The following SYN3 variants were observed in gnomAD, a reference collection of about 807,000 sequenced individuals.
SYN3 encodes the protein synapsin III, also known as synapsin-3.
A neutral mutation model predicts 65.8 loss-of-function variants in SYN3; 35 were observed. The observed-to-expected ratio is 0.53, with a 90% confidence interval of 0.41 to 0.70. The LOEUF (loss-of-function observed/expected upper bound fraction) is 0.70. Ranked by LOEUF, SYN3 falls within the 30% of genes least tolerant of loss-of-function variation. The pLI is 0.00. For synonymous variants in SYN3, 270 were observed against 292.9 expected, an observed-to-expected ratio of 0.92 and a Z score of 0.80; for missense variants, 680 against 749.0, an observed-to-expected ratio of 0.91 and a Z score of 1.08.
In SYN3 at chr22:32,570,978, A is replaced by G. The variant is rs530120684; in HGVS notation, c.774+25696T>C. On this transcript the variant is annotated intron_variant, in intron 7 of 13. Coordinates refer to ENST00000358763, the MANE Select transcript of SYN3 (RefSeq NM_003490.4). Reference sequence around the variant, plus strand: ...ATAAAACTCATAATCTATGGTAGTGATACAAAACACCATTTAAAAATATAT... The same window carrying G: ...ATAAAACTCATAATCTATGGTAGTGGTACAAAACACCATTTAAAAATATAT... Among the ~76,000 whole-genome samples the G allele has an allele frequency of 2.6e-5, 4 of 152,346 alleles. No homozygotes were observed. The East Asian group carries it at 7.7e-4, about 29-fold the overall frequency.
chr22:32,703,097 G>A (rs2060831398), intron 6 of SYN3, among the ~76,000 whole-genome samples: 1 of 152,192 alleles, frequency 6.6e-6, no homozygotes. Flanking sequence ...AATCAGGGTA[G>A]ATAAAATTAT....
chr22:32,923,896 G>A lies in SYN3; in HGVS notation c.461+7494C>T, dbSNP rs184209279. 1.8e-3 allele frequency among the ~76,000 whole-genome samples: 275 copies of A among 152,136 alleles called. 1 individual carries two copies. Among genetic ancestry groups the A allele is most frequent in the Middle Eastern group, 0.014 (4 of 294 alleles). On this transcript the variant is annotated intron_variant, in intron 4 of 13. Coordinates refer to ENST00000358763, the MANE Select transcript of SYN3 (RefSeq NM_003490.4). ...TATCTGTTGTTCTCTTTGTGTCCATGAGTTCTCATCATTTAGCTCCCACTT... is the reference window on the plus strand; with the variant it reads ...TATCTGTTGTTCTCTTTGTGTCCATAAGTTCTCATCATTTAGCTCCCACTT...
At chr22:32,943,650 G>A (rs1170461972) in intron 3 of SYN3, among the ~76,000 whole-genome samples, 1 of 152,118 alleles carries the variant, frequency 6.6e-6, no homozygotes, top group Non-Finnish European at 1.5e-5. Context: ...GACACAGACT[G>A]GCAAATTGGA....
intron 4 of SYN3, among the ~76,000 whole-genome samples, chr22:32,925,284 T>C (rs1213800323): frequency 6.6e-6 from 1 of 152,224 alleles, no homozygotes; most frequent in Non-Finnish European, 1.5e-5. Flanking sequence ...ACCAGTCATA[T>C]TGGATTAAGG....
intron 3 of SYN3, among the ~76,000 whole-genome samples, chr22:32,958,635 A>G (rs1436217023): frequency 6.6e-6 from 1 of 152,240 alleles, no homozygotes; most frequent in Non-Finnish European, 1.5e-5. Flanking sequence ...GCCAGGCACT[A>G]GTCTAAGGGC....
chr22:32,596,526 G>A, intron 7 of SYN3, 148 bp downstream of exon 7: 1 of 725,376 alleles, frequency 1.4e-6, no homozygotes, highest in Admixed American at 2.8e-5. Context: ...GGGCTGGGAG[G>A]GGAAGGAGAT....
chr22:33,057,146 A>G (rs1164609098), intron 1 of SYN3, among the ~76,000 whole-genome samples: 1 of 152,136 alleles, frequency 6.6e-6, no homozygotes, highest in East Asian at 1.9e-4. Context: ...GGACCAGAAA[A>G]CAACTACAAC....
intron 6 of SYN3, among the ~76,000 whole-genome samples, chr22:32,597,177 T>C (rs903122172): frequency 6.7e-6 from 1 of 149,496 alleles, no homozygotes; most frequent in Non-Finnish European, 1.5e-5. Flanking sequence ...TAATTATTCC[T>C]GGCATACTCC....
intron 1 of SYN3, among the ~76,000 whole-genome samples, chr22:33,056,374 C>T (rs2054253686): frequency 6.6e-6 from 1 of 152,144 alleles, no homozygotes; most frequent in African/African-American, 2.4e-5. Flanking sequence ...ATGCTCAACT[C>T]CCCCTCCAAG....
intron 1 of SYN3, among the ~76,000 whole-genome samples, chr22:33,027,258 T>C (rs1184205516): frequency 6.6e-6 from 1 of 152,136 alleles, no homozygotes; most frequent in Non-Finnish European, 1.5e-5. Context: ...AGGTATTAAC[T>C]AGAATCTGTC....
intron 2 of SYN3, among the ~76,000 whole-genome samples, chr22:33,002,218 A>C (rs2053079455): frequency 6.6e-6 from 1 of 152,230 alleles, no homozygotes. Context: ...ACTGGATCGG[A>C]AGACAGGTGA....
At chr22:32,734,257 G>C (rs531979264) in intron 6 of SYN3, among the ~76,000 whole-genome samples, 1 of 152,308 alleles carries the variant, frequency 6.6e-6, no homozygotes, top group Admixed American at 6.5e-5. Context: ...CACGCATGCA[G>C]GATATATCTT....
chr22:32,903,917 T>C (rs1226828062), intron 4 of SYN3, among the ~76,000 whole-genome samples: 4 of 152,222 alleles, frequency 2.6e-5, no homozygotes, highest in Admixed American at 2.0e-4. Context: ...GCACCTACTA[T>C]GTATTGGGCC....
rs1414958066 is a variant in SYN3, at chr22:32,508,230, C to A, written c.*5462G>T. Among the ~76,000 whole-genome samples, 2 of 152,168 alleles carry A rather than the reference C, an allele frequency of 1.3e-5. No individual in the cohort carries two copies. The highest frequency in any genetic ancestry group is 1.5e-5 in the Non-Finnish European group (1 of 68,034). ...ACCATTGTGATTTGTTCCTGCCCCA[C>A]CTTAACTGAGTGATTAACCCTGTAA... On this transcript the variant is annotated 3_prime_UTR_variant, in exon 14 of 14. Transcript: ENST00000358763.
At chr22:32,708,897 G>A (rs2060917114) in intron 6 of SYN3, among the ~76,000 whole-genome samples, 1 of 152,244 alleles carries the variant, frequency 6.6e-6, no homozygotes, top group South Asian at 2.1e-4. Flanking sequence ...CGTGCGGAAG[G>A]ACTTTTGCCG....
chr22:32,580,045 G>C (rs1008254166), intron 7 of SYN3, among the ~76,000 whole-genome samples: 1 of 152,240 alleles, frequency 6.6e-6, no homozygotes, highest in Non-Finnish European at 1.5e-5. Context: ...GCAAAGGACA[G>C]GGCTTTCCGC....
At chr22:32,635,115 C>T (rs975185997) in intron 6 of SYN3, 5 of 152,104 alleles carry the variant, frequency 3.3e-5, no homozygotes, top group Non-Finnish European at 5.9e-5. Flanking sequence ...CTACATCTCC[C>T]ATCCAAATAC....
At chr22:32,645,280 C>T (rs1030695991) in intron 6 of SYN3, among the ~76,000 whole-genome samples, 1 of 151,962 alleles carries the variant, frequency 6.6e-6, no homozygotes, top group East Asian at 1.9e-4. Context: ...GGAGAAACCC[C>T]GTCTCTACTA....
intron 1 of SYN3, among the ~76,000 whole-genome samples, chr22:33,035,332 C>CCG (rs1252556794): frequency 4.7e-5 from 2 of 42,404 alleles, no homozygotes; most frequent in African/African-American, 1.5e-4. Flanking sequence ...ATCTCGGGAC[C>CCG]CCCCCCCCCC....
Sources: allele counts gnomAD v4.1 joint callset (sites outside exome capture counted in the v4.1 genomes callset), GRCh38; gene constraint gnomAD v4.1.1; transcripts MANE v1.5; gene names NCBI Gene and HGNC (gene_info 2026-07-23, HGNC 2026-07-21).